The following ANKRD13A variants were observed in gnomAD, a reference collection of about 807,000 sequenced individuals.
ANKRD13A encodes ankyrin repeat domain-containing protein 13A.
In ANKRD13A, 48 loss-of-function variants were observed where a neutral mutation model predicts 81.3. The ratio of observed to expected loss-of-function variants is 0.59; its 90% CI spans 0.47 to 0.75. ANKRD13A has a LOEUF of 0.75. ANKRD13A is among the 30% of genes least tolerant of loss of function. ANKRD13A has a pLI of 0.00. For missense variants in ANKRD13A, 612 were observed against 734.0 expected (o/e 0.83, Z 1.92); for synonymous variants, 230 against 270.1 (o/e 0.85, Z 1.45).
At chr12:110,000,728 A>C (rs1040856628) in intron 1 of ANKRD13A, among the ~76,000 whole-genome samples, 1 of 148,804 alleles carries the variant, frequency 6.7e-6, no homozygotes, top group Non-Finnish European at 1.5e-5. Context: ...GTCTTGGTTG[A>C]GAAACTCTGC....
In ANKRD13A at chr12:110,037,706, G is replaced by A. The variant is rs1892149733; in HGVS notation, c.*152G>A. On this transcript the variant is annotated 3_prime_UTR_variant, in exon 15 of 15. Coordinates refer to ENST00000261739, the MANE Select transcript of ANKRD13A (RefSeq NM_033121.2). The stretch of plus-strand genomic sequence containing the variant: ...CTTTATGCAGAGGTGCAGAACCAGG[G>A]ACTCCTGGGCCCATCCAGGCTGCTC... 2.0e-5 allele frequency: 15 copies of A among 764,360 alleles called. No individual in the cohort carries two copies. The South Asian group carries it at 2.3e-4, about 12-fold the overall frequency. The allele number at this position is 764,360 out of a possible 1,614,324, so 47.3% of individuals were successfully genotyped here.
chr12:110,021,018 G>A (rs115022055), intron 6 of ANKRD13A: 282 of 391,918 alleles, frequency 7.2e-4, no homozygotes, highest in African/African-American at 5.5e-3. Flanking sequence ...ACAATTCCTG[G>A]CTGTTACCCC....
At chr12:110,034,489 G>T (rs1293705326) in intron 13 of ANKRD13A, among the ~76,000 whole-genome samples, 2 of 152,098 alleles carry the variant, frequency 1.3e-5, no homozygotes, top group Admixed American at 6.6e-5. Flanking sequence ...GGAGTGCAGT[G>T]GCTGTTCCCC....
chr12:110,008,608 G>A (rs1890356292), intron 1 of ANKRD13A, among the ~76,000 whole-genome samples: 1 of 152,202 alleles, frequency 6.6e-6, no homozygotes, highest in African/African-American at 2.4e-5. Context: ...GTGAAGTCCA[G>A]GCATGGTGGC....
In ANKRD13A at chr12:109,999,600, G is replaced by T. The variant is rs1889833591; in HGVS notation, c.-89G>T. The T allele has an allele frequency of 1.8e-6, 2 of 1,089,742 alleles. No individual in the cohort carries two copies. Among genetic ancestry groups the T allele is most frequent in the Non-Finnish European group, 2.5e-6 (2 of 799,596 alleles). The allele number at this position is 1,089,742 out of a possible 1,614,324, so 67.5% of individuals were successfully genotyped here. A position where few individuals can be genotyped will look rare whatever the true frequency, so the allele number is the denominator to read the frequency against. On this transcript the variant is annotated 5_prime_UTR_variant, in exon 1 of 15. Coordinates refer to ENST00000261739, the MANE Select transcript of ANKRD13A (RefSeq NM_033121.2). This position sits in a 1 kb window ranked among gnomAD's most constrained non-coding sequence, Gnocchi z 4.3. ...CACGCCCTACGCTCGCTTGCTCGCC[G>T]GCCTCAGGGCAGGCAGGCGGGCGCG... is the stretch of plus-strand genomic sequence containing the variant.
At chr12:110,027,853 C>A (rs1891431161) in intron 9 of ANKRD13A, 87 bp downstream of exon 9, 1 of 1,357,776 alleles carries the variant, frequency 7.4e-7, no homozygotes, top group Non-Finnish European at 1.1e-6. Context: ...GGATCCTGAA[C>A]AGCCCACTCT....
chr12:110,014,842 G>A (rs1297839677), intron 3 of ANKRD13A, among the ~76,000 whole-genome samples: 2 of 149,446 alleles, frequency 1.3e-5, no homozygotes, highest in Non-Finnish European at 2.9e-5. Flanking sequence ...GGAGTGCAGT[G>A]GCGCGATCTT....
chr12:110,037,458 G>C lies in ANKRD13A; in HGVS notation c.1677G>C (p.Glu559Asp). 6.2e-7 allele frequency: 1 copy of C among 1,614,214 alleles called. No individual in the cohort carries two copies. Among genetic ancestry groups the C allele is most frequent in the Non-Finnish European group, 8.5e-7 (1 of 1,180,040 alleles). The part of the protein sequence containing the change: ...RFDNDLQLAM[E>D]LSAKELEEWE... The stretch of plus-strand genomic sequence containing the variant: ...ATAATGACTTGCAGCTAGCCATGGA[G>C]CTCTCTGCCAAAGAGCTGGAGGAAT... Residue 559 changes from glutamate to aspartate, a missense_variant, in exon 15 of 15, where the codon GAG (glutamate) becomes GAC (aspartate). By Grantham distance (45) the Glu-to-Asp change is conservative. Coordinates refer to ENST00000261739, the MANE Select transcript of ANKRD13A (RefSeq NM_033121.2).
At position 110,033,915 on chromosome 12, in the gene ANKRD13A, G is replaced by C; in HGVS notation, c.1467G>C (p.Gln489His). The C allele has an allele frequency of 6.2e-7, 1 of 1,611,678 alleles. No individual in the cohort carries two copies. Among genetic ancestry groups the C allele is most frequent in the East Asian group, 2.2e-5 (1 of 44,714 alleles). Residue 489 changes from glutamine (Q) to histidine (H), a missense_variant, in exon 13 of 15, where the codon CAG becomes CAC. Coordinates refer to ENST00000261739, the MANE Select transcript of ANKRD13A (RefSeq NM_033121.2). ...HLQDEDYEIM[Q>H]FAIQQSLLES... is the part of the protein sequence containing the mutation. ...AAGATGAAGATTACGAGATAATGCA[G>C]TTTGCCATCCAGCAAAGTCTGCTGG...
chr12:110,004,151 C>CAAAAAAA, intron 1 of ANKRD13A, among the ~76,000 whole-genome samples: 1 of 151,146 alleles, frequency 6.6e-6, no homozygotes, highest in South Asian at 2.1e-4. Flanking sequence ...GTATGAGACT[C>CAAAAAAA]CATCTCAAAA....
intron 11 of ANKRD13A, 112 bp downstream of exon 11, chr12:110,029,747 CT>C: frequency 8.0e-7 from 1 of 1,246,828 alleles, no homozygotes; most frequent in Non-Finnish European, 1.1e-6. Context: ...GTCAAAGTAG[CT>C]TATAGACATA....
At chr12:110,015,163 G>A (rs1290482161) in intron 3 of ANKRD13A, among the ~76,000 whole-genome samples, 1 of 152,056 alleles carries the variant, frequency 6.6e-6, no homozygotes, top group Non-Finnish European at 1.5e-5. Context: ...TCCTAAACAG[G>A]GCTGCTGTGG....
At chr12:110,027,404 A>G (rs1225684164) in intron 8 of ANKRD13A, 1 of 345,726 alleles carries the variant, frequency 2.9e-6, no homozygotes, top group Non-Finnish European at 5.4e-6. Flanking sequence ...GAGGCCCAGA[A>G]CACATGGGTA....
chr12:110,002,989 ACC>A (rs1890059148), intron 1 of ANKRD13A, among the ~76,000 whole-genome samples: 1 of 152,212 alleles, frequency 6.6e-6, no homozygotes, highest in Admixed American at 6.5e-5. Context: ...GTGCCTCTTA[ACC>A]CATCAGCTCA....
chr12:110,009,271 G>A (rs1890388838), intron 1 of ANKRD13A, among the ~76,000 whole-genome samples: 1 of 151,986 alleles, frequency 6.6e-6, no homozygotes, highest in Non-Finnish European at 1.5e-5. Context: ...AGTAGAGACG[G>A]GGTTTCTCCA....
Position 110,037,362 on chromosome 12 carries a change from C to A in ANKRD13A, c.1581C>A (p.Ala527=). ...TTTTATCTGTTTTCCAACCCAGGGC[C>A]ATCCAGGAGAGCCTCCTCACCAGCA... ...TNTYDAQYER[A]IQESLLTSTE... is the part of the protein sequence containing the mutation. Residue 527 remains alanine, a synonymous_variant, in exon 15 of 15, where the codon GCC becomes GCA. Coordinates refer to ENST00000261739, the MANE Select transcript of ANKRD13A (RefSeq NM_033121.2). 2 of 1,613,214 alleles carry A rather than the reference C, an allele frequency of 1.2e-6. No homozygotes were observed. The highest frequency in any genetic ancestry group is 1.1e-5 in the South Asian group (1 of 91,034).
intron 1 of ANKRD13A, among the ~76,000 whole-genome samples, chr12:110,010,287 A>C (rs1890452412): frequency 6.6e-6 from 1 of 152,216 alleles, no homozygotes; most frequent in African/African-American, 2.4e-5. Context: ...GGCAGGTAGT[A>C]TGCTAAACCT....
At chr12:110,009,896 G>T (rs150196287) in intron 1 of ANKRD13A, among the ~76,000 whole-genome samples, 6 of 152,090 alleles carry the variant, frequency 3.9e-5, no homozygotes, top group Admixed American at 3.3e-4. Context: ...ACGGAGTCTC[G>T]CTCTGTCACC....
intron 2 of ANKRD13A, among the ~76,000 whole-genome samples, chr12:110,012,436 G>A (rs574924916): frequency 6.6e-6 from 1 of 152,266 alleles, no homozygotes; most frequent in Non-Finnish European, 1.5e-5. Flanking sequence ...TTTCCTTGGA[G>A]TCATCTTTAT....
Sources: gnomAD v4.1 joint callset for allele counts (sites outside exome capture counted in the v4.1 genomes callset) on GRCh38, gnomAD v4.1.1 for gene constraint, Gnocchi (gnomAD v3.1) non-coding constraint, MANE v1.5 for transcripts, NCBI Gene and HGNC (gene_info 2026-07-23, HGNC 2026-07-21) for gene names.